LEKR1: variants seen among roughly 807,000 people sequenced by gnomAD.
The protein encoded by LEKR1 is protein LEKR1.
A neutral mutation model predicts 72.4 loss-of-function variants in LEKR1; 59 were observed. The ratio of observed to expected loss-of-function variants is 0.82; its 90% CI spans 0.66 to 1.01. The LOEUF (loss-of-function observed/expected upper bound fraction) is 1.01, where lower values mean the gene tolerates loss of function less well. Among genes scored for constraint, LEKR1 ranks in the 50% least tolerant of loss-of-function variants. The pLI is 0.00. For synonymous variants in LEKR1, 257 were observed against 263.2 expected (o/e 0.98, Z 0.23); for missense variants, 728 against 759.2 (o/e 0.96, Z 0.48).
At chr3:156,978,267 G>A (rs60561257) in intron 6 of LEKR1, among the ~76,000 whole-genome samples, 10,829 of 152,100 alleles carry the variant, frequency 0.071, 494 homozygotes, top group African/African-American at 0.12. Context: ...TAAGAATGCC[G>A]ATTTATATAG....
intron 3 of LEKR1, among the ~76,000 whole-genome samples, chr3:156,916,497 A>G (rs745395976): frequency 6.6e-6 from 1 of 151,618 alleles, no homozygotes; most frequent in Non-Finnish European, 1.5e-5. Context: ...CTGTTTTCCT[A>G]TTCAGTTTGT....
intron 9 of LEKR1, among the ~76,000 whole-genome samples, chr3:156,998,344 T>A (rs1731743839): frequency 2.0e-5 from 3 of 152,234 alleles, no homozygotes; most frequent in African/African-American, 7.2e-5. Context: ...AGGACATATG[T>A]GTTTAAGCTT....
chr3:156,907,867 C>G (rs1046754227), intron 3 of LEKR1, among the ~76,000 whole-genome samples: 3 of 151,904 alleles, frequency 2.0e-5, no homozygotes, highest in African/African-American at 7.3e-5. Context: ...AGTATTCAAC[C>G]TGGAATTCCA....
At position 156,850,224 on chromosome 3, in the gene LEKR1, G is replaced by A. The variant is rs532866436; in HGVS notation, c.49-2544G>A. On this transcript the variant is annotated intron_variant, in intron 2 of 12. Coordinates refer to ENST00000356539, the MANE Select transcript of LEKR1 (RefSeq NM_001004316.3). ...ATGTTATATACTCAAATATATGTGA[G>A]TCTAAGATAATATAAGATATATATT... Among the ~76,000 whole-genome samples the A allele has an allele frequency of 5.9e-5, 9 of 151,516 alleles. No individual in the cohort carries two copies. In the East Asian group the frequency reaches 1.7e-3, roughly 29 times the overall value.
At position 156,942,578 on chromosome 3, in the gene LEKR1, A is replaced by G. The variant is rs1726310583; in HGVS notation, c.609A>G (p.Val203=). ...TGACAGTATCCCAGAGAAATAAAGT[A>G]TGCCTTGAAAAGGAAATGAAAAATC... ...KSLTVSQRNK[V]CLEKEMKNLK... Residue 203 remains valine (V), a synonymous_variant, in exon 6 of 13, where the codon GTA becomes GTG. Transcript: ENST00000356539. The G allele has an allele frequency of 1.6e-6, 2 of 1,266,424 alleles. No homozygotes were observed. The highest frequency in any genetic ancestry group is 2.1e-6 in the Non-Finnish European group (2 of 973,406). 78.4% of individuals were successfully genotyped at this position (1,266,424 alleles called of 1,614,324 possible).
intron 3 of LEKR1, among the ~76,000 whole-genome samples, chr3:156,877,344 T>C (rs1718726151): frequency 6.6e-6 from 1 of 152,170 alleles, no homozygotes; most frequent in South Asian, 2.1e-4. Context: ...CATAGAATGA[T>C]GTAGGGAGGA....
At chr3:156,930,027 G>A (rs9855917) in intron 5 of LEKR1, among the ~76,000 whole-genome samples, 4,379 of 152,262 alleles carry the variant, frequency 0.029, 88 homozygotes, top group Non-Finnish European at 0.045. Flanking sequence ...GATGAAAGGA[G>A]TGAAGTGTGG....
chr3:157,025,945 G>A (rs1343225963), intron 11 of LEKR1, among the ~76,000 whole-genome samples: 3 of 151,920 alleles, frequency 2.0e-5, no homozygotes, highest in Non-Finnish European at 2.9e-5. Context: ...GGCTACTTGG[G>A]AGGCTGATAC....
intron 7 of LEKR1, among the ~76,000 whole-genome samples, chr3:156,987,332 C>T (rs1730776486): frequency 6.6e-6 from 1 of 151,990 alleles, no homozygotes; most frequent in Admixed American, 6.6e-5. Context: ...GCTGAGGGGA[C>T]TTCCTAGGAT....
At chr3:156,904,486 C>T (rs1722341749) in intron 3 of LEKR1, among the ~76,000 whole-genome samples, 1 of 149,826 alleles carries the variant, frequency 6.7e-6, no homozygotes, top group Non-Finnish European at 1.5e-5. Context: ...CACACTGTGT[C>T]ACTCATATTT....
At chr3:156,955,910 A>G (rs750277859) in intron 6 of LEKR1, among the ~76,000 whole-genome samples, 3 of 151,724 alleles carry the variant, frequency 2.0e-5, no homozygotes, top group Non-Finnish European at 4.4e-5. Context: ...TAGCTTAAAA[A>G]TAATAATAAG....
chr3:157,036,387 G>C (rs567974424), intron 12 of LEKR1, among the ~76,000 whole-genome samples: 1 of 151,988 alleles, frequency 6.6e-6, no homozygotes, highest in African/African-American at 2.4e-5. Flanking sequence ...ATGGAGAAAA[G>C]AAAAGAAAAT....
chr3:156,884,897 C>T (rs886417244), intron 3 of LEKR1, among the ~76,000 whole-genome samples: 1 of 152,036 alleles, frequency 6.6e-6, no homozygotes, highest in Non-Finnish European at 1.5e-5. Flanking sequence ...GATTTCTTTT[C>T]TTCCTCAAGA....
intron 9 of LEKR1, among the ~76,000 whole-genome samples, chr3:156,999,217 G>A (rs1001575660): frequency 2.0e-5 from 3 of 152,096 alleles, no homozygotes; most frequent in African/African-American, 7.2e-5. Flanking sequence ...GTCTCGGGCA[G>A]TTCTTTATAG....
At chr3:156,899,276 ATATATATACATG>A (rs1721541416) in intron 3 of LEKR1, among the ~76,000 whole-genome samples, 1 of 146,788 alleles carries the variant, frequency 6.8e-6, no homozygotes, top group Non-Finnish European at 1.5e-5. Flanking sequence ...ACACACATGT[ATATATATACATG>A]TATATATACA....
In LEKR1 at chr3:157,024,878, A is replaced by G. The variant is rs1330263630; in HGVS notation, c.1322A>G (p.Asp441Gly). 1 of 1,607,160 alleles carries G rather than the reference A, an allele frequency of 6.2e-7. No individual in the cohort carries two copies. The highest frequency in any genetic ancestry group is 1.1e-5 in the South Asian group (1 of 90,460). The change falls in exon 11 of 13, where the codon GAT (aspartate) becomes GGT (glycine). Residue 441 changes from aspartate (D) to glycine (G), a missense_variant. Asp to Gly is a moderately conservative substitution (Grantham distance 94, BLOSUM62 -1). Coordinates refer to ENST00000356539, the MANE Select transcript of LEKR1 (RefSeq NM_001004316.3). ...QLDIEKEKHQ[D>G]VIQKYKKEQE... ...GATATTGAAAAAGAAAAACACCAAG[A>G]TGTAATCCAAAAGTATAAGAAAGAA...
intron 6 of LEKR1, among the ~76,000 whole-genome samples, chr3:156,945,574 A>G (rs1318693210): frequency 6.6e-6 from 1 of 151,808 alleles, no homozygotes; most frequent in African/African-American, 2.4e-5. Flanking sequence ...TAGTAGTTTC[A>G]TAGTTTGAGG....
intron 9 of LEKR1, among the ~76,000 whole-genome samples, chr3:157,007,861 A>G (rs1427433292): frequency 6.6e-6 from 1 of 152,196 alleles, no homozygotes. Flanking sequence ...TTTCTAAAAT[A>G]AAGTAAAACA....
At chr3:156,921,096 A>C (rs1218584559) in intron 4 of LEKR1, 1 of 153,182 alleles carries the variant, frequency 6.5e-6, no homozygotes, top group Admixed American at 6.5e-5. Flanking sequence ...AGAAATATCT[A>C]GTGTAAAGCA....
Sources: gnomAD v4.1 joint callset for allele counts (sites outside exome capture counted in the v4.1 genomes callset) on GRCh38, gnomAD v4.1.1 for gene constraint, MANE v1.5 for transcripts, NCBI Gene and HGNC (gene_info 2026-07-23, HGNC 2026-07-21) for gene names.